TFPI: variants seen among roughly 807,000 people sequenced by gnomAD.
TFPI encodes the protein tissue factor pathway inhibitor.
Under a neutral mutation model 34.6 loss-of-function variants are expected in TFPI, and 15 were observed. That is an observed-to-expected ratio of 0.43 (90% CI 0.29 to 0.67). The LOEUF is 0.67. TFPI is among the 30% of genes least tolerant of loss of function. TFPI has a pLI of 0.15. For missense variants in TFPI, 301 were observed against 364.0 expected (o/e 0.83, Z 1.41); for synonymous variants, 105 against 120.1 (o/e 0.87, Z 0.82).
At chr2:187,550,187 G>C (rs1043264311) in intron 1 of TFPI, among the ~76,000 whole-genome samples, 1 of 152,046 alleles carries the variant, frequency 6.6e-6, no homozygotes, top group Non-Finnish European at 1.5e-5. Flanking sequence ...GGACTTCTAG[G>C]CTTCAGCTCA....
chr2:187,520,996 T>C (rs1687341204), intron 1 of TFPI, among the ~76,000 whole-genome samples: 1 of 151,978 alleles, frequency 6.6e-6, no homozygotes, highest in African/African-American at 2.4e-5. Context: ...ATATTGTATA[T>C]TTTATGCCCC....
At chr2:187,536,339 A>T (rs1203885059) in intron 1 of TFPI, among the ~76,000 whole-genome samples, 1 of 152,202 alleles carries the variant, frequency 6.6e-6, no homozygotes, top group Non-Finnish European at 1.5e-5. Context: ...TCCTCAATAA[A>T]ATACTGGCAA....
intron 1 of TFPI, among the ~76,000 whole-genome samples, chr2:187,549,569 G>GA (rs1239695591): frequency 6.6e-6 from 1 of 151,912 alleles, no homozygotes. Flanking sequence ...TTGTTATTTA[G>GA]AAAAAATAAT....
chr2:187,527,587 C>T (rs375613878), intron 1 of TFPI, among the ~76,000 whole-genome samples: 80 of 151,986 alleles, frequency 5.3e-4, no homozygotes, highest in African/African-American at 1.8e-3. Flanking sequence ...TTTGGGATGT[C>T]GAGTCATCAC....
chr2:187,495,215 A>G (rs1450681206), intron 3 of TFPI, among the ~76,000 whole-genome samples: 2 of 152,242 alleles, frequency 1.3e-5, no homozygotes, highest in Non-Finnish European at 2.9e-5. Context: ...CTATACACAT[A>G]TATAAAAAGA....
chr2:187,505,997 T>TAAA (rs201544212), intron 1 of TFPI, among the ~76,000 whole-genome samples: 41 of 151,794 alleles, frequency 2.7e-4, no homozygotes, highest in African/African-American at 7.0e-4. Context: ...ATTTTTTTTT[T>TAAA]AAAAAAAAGA....
At chr2:187,475,736 C>T (rs185579732) in intron 6 of TFPI, among the ~76,000 whole-genome samples, 8 of 152,106 alleles carry the variant, frequency 5.3e-5, no homozygotes, top group African/African-American at 9.6e-5. Flanking sequence ...CTTTCTATAA[C>T]GTCAATGCTC....
At chr2:187,537,747 T>G (rs1462899836) in intron 1 of TFPI, among the ~76,000 whole-genome samples, 5 of 152,152 alleles carry the variant, frequency 3.3e-5, no homozygotes, top group Non-Finnish European at 5.9e-5. Context: ...TGGGATCTAA[T>G]TAAACTAAAG....
At position 187,534,987 on chromosome 2, in the gene TFPI, A is replaced by C. The variant is rs1221615955; in HGVS notation, c.-3+19213T>G. Among the ~76,000 whole-genome samples, 5 of 152,236 alleles carry C rather than the reference A, an allele frequency of 3.3e-5. No individual in the cohort carries two copies. The East Asian group carries it at 9.6e-4, about 29-fold the overall frequency. On this transcript the variant is annotated intron_variant, in intron 1 of 7. Coordinates refer to ENST00000233156, the MANE Select transcript of TFPI (RefSeq NM_006287.6). ...AAACCAACAAAGATCGAAAGAGCCA[A>C]AGATGGGCATTACATAATGGTAAAG...
intron 6 of TFPI, among the ~76,000 whole-genome samples, chr2:187,481,498 C>T (rs1449051991): frequency 4.6e-5 from 7 of 152,000 alleles, no homozygotes; most frequent in Non-Finnish European, 1.0e-4. Context: ...ACTTCCGCAT[C>T]TTGGCTGGGG....
At chr2:187,478,474 G>T in intron 6 of TFPI, 1 of 650,200 alleles carries the variant, frequency 1.5e-6, no homozygotes, top group Non-Finnish European at 2.2e-6. Flanking sequence ...TCCATGAATA[G>T]TTAGGTCCGG....
intron 1 of TFPI, among the ~76,000 whole-genome samples, chr2:187,513,109 A>G (rs1686757939): frequency 6.6e-6 from 1 of 152,208 alleles, no homozygotes; most frequent in African/African-American, 2.4e-5. Flanking sequence ...CCTACATTAA[A>G]AGGTTAAAAA....
intron 6 of TFPI, chr2:187,478,493 C>T: frequency 1.1e-6 from 1 of 883,042 alleles, no homozygotes; most frequent in Non-Finnish European, 1.5e-6. Flanking sequence ...GGTCAAAAGA[C>T]TCACAACTAG....
intron 1 of TFPI, among the ~76,000 whole-genome samples, chr2:187,545,842 G>C (rs942948636): frequency 2.7e-4 from 41 of 151,822 alleles, no homozygotes; most frequent in Non-Finnish European, 5.3e-4. Context: ...AATCATTTTT[G>C]GTGTTTATGT....
chr2:187,516,592 G>A (rs896137736), intron 1 of TFPI: 57 of 152,172 alleles, frequency 3.7e-4, no homozygotes, highest in African/African-American at 1.4e-3. Flanking sequence ...CCACTAATGA[G>A]AGAGGTTCTC....
chr2:187,550,022 T>C (rs1209836735), intron 1 of TFPI, among the ~76,000 whole-genome samples: 2 of 152,108 alleles, frequency 1.3e-5, no homozygotes, highest in African/African-American at 2.4e-5. Context: ...AGTTTCTATA[T>C]GAAAGCTCAG....
intron 6 of TFPI, among the ~76,000 whole-genome samples, chr2:187,470,482 C>T (rs1465693575): frequency 6.6e-6 from 1 of 152,120 alleles, no homozygotes; most frequent in Non-Finnish European, 1.5e-5. Flanking sequence ...AGAAGAGGAG[C>T]CTCTGTTATC....
chr2:187,507,498 AG>A (rs1357209939), intron 1 of TFPI, among the ~76,000 whole-genome samples: 7 of 152,178 alleles, frequency 4.6e-5, no homozygotes, highest in Non-Finnish European at 8.8e-5. Context: ...ACAGTATAAA[AG>A]AGTTTTTATT....
chr2:187,489,192 G>A (rs8176498), intron 3 of TFPI, among the ~76,000 whole-genome samples: 51,885 of 151,186 alleles, frequency 0.34, 9,464 homozygotes, highest in African/African-American at 0.46. Context: ...GCGAGAGAGA[G>A]AAGGGAAGAA....
Sources: allele counts gnomAD v4.1 joint callset (sites outside exome capture counted in the v4.1 genomes callset), GRCh38; gene constraint gnomAD v4.1.1; transcripts MANE v1.5; gene names NCBI Gene and HGNC (gene_info 2026-07-23, HGNC 2026-07-21).